Variants in RBFOX1 observed in about 807,000 individuals in gnomAD.
RBFOX1 encodes the protein RNA binding fox-1 homolog 1, also known as RNA binding protein fox-1 homolog 1.
A neutral mutation model predicts 57.7 loss-of-function variants in RBFOX1; 8 were observed. The observed-to-expected ratio is 0.14, with a 90% CI of 0.08 to 0.25. The LOEUF (loss-of-function observed/expected upper bound fraction) is 0.25, where lower values mean the gene tolerates loss of function less well. Ranked by LOEUF, RBFOX1 falls within the 10% of genes least tolerant of loss-of-function variation. RBFOX1 has a pLI of 1.00. For synonymous variants in RBFOX1, 326 were observed against 222.4 expected, an observed-to-expected ratio of 1.47 and a Z score of -4.15; for missense variants, 611 against 548.5, an observed-to-expected ratio of 1.11 and a Z score of -1.14.
At chr16:5,964,786 C>G (rs866728747) in intron 4 of RBFOX1, among the ~76,000 whole-genome samples, 7 of 151,708 alleles carry the variant, frequency 4.6e-5, no homozygotes, top group Non-Finnish European at 8.8e-5. Flanking sequence ...CACATATACA[C>G]ACACACATTG....
At chr16:7,165,169 A>G (rs2079160414) in intron 4 of RBFOX1, among the ~76,000 whole-genome samples, 1 of 152,052 alleles carries the variant, frequency 6.6e-6, no homozygotes. Context: ...ATATCATGTC[A>G]AAAACTGAGC....
intron 3 of RBFOX1, among the ~76,000 whole-genome samples, chr16:6,736,017 A>T (rs1445295640): frequency 2.8e-5 from 4 of 144,958 alleles, no homozygotes; most frequent in Non-Finnish European, 6.1e-5. Context: ...TCTTTTTGAA[A>T]GGGATTTAGA....
chr16:6,358,882 T>C (rs1394904043), intron 2 of RBFOX1, among the ~76,000 whole-genome samples: 1 of 152,206 alleles, frequency 6.6e-6, no homozygotes, highest in African/African-American at 2.4e-5. Flanking sequence ...CGAAGATTTA[T>C]TGCCGGAGGG....
chr16:5,884,537 A>T (rs2057849338), intron 4 of RBFOX1, among the ~76,000 whole-genome samples: 2 of 150,320 alleles, frequency 1.3e-5, no homozygotes, highest in Admixed American at 1.3e-4. Flanking sequence ...AGTTGATAAG[A>T]CCATGTGACT....
rs1307612957 is a variant in RBFOX1 at position 7,670,977 on chromosome 16, C to A, written c.931-5797C>A. Among the ~76,000 whole-genome samples the A allele has an allele frequency of 2.0e-5, 3 of 152,194 alleles. No individual in the cohort carries two copies. In the East Asian group the frequency reaches 5.8e-4, roughly 29 times the overall value. ...ATTAACACTAGTTTACACACACGCA[C>A]ACACACTCATATATACTCACAGTTC... is the stretch of plus-strand genomic sequence containing the variant. On this transcript the variant is annotated intron_variant, in intron 13 of 15. Coordinates refer to ENST00000550418, the MANE Select transcript of RBFOX1 (RefSeq NM_018723.4).
chr16:6,068,536 C>T (rs1038492112), intron 1 of RBFOX1, among the ~76,000 whole-genome samples: 1 of 152,046 alleles, frequency 6.6e-6, no homozygotes, highest in African/African-American at 2.4e-5. Flanking sequence ...AGATACTCCC[C>T]AGGTATCCAC....
chr16:6,940,573 T>C (rs780751244), intron 3 of RBFOX1, among the ~76,000 whole-genome samples: 7 of 151,998 alleles, frequency 4.6e-5, no homozygotes, highest in South Asian at 2.1e-4. Flanking sequence ...AAGCAAAAAA[T>C]TGGGTATTCA....
intron 1 of RBFOX1, among the ~76,000 whole-genome samples, chr16:6,104,782 A>G (rs2096358137): frequency 6.6e-6 from 1 of 152,238 alleles, no homozygotes; most frequent in Non-Finnish European, 1.5e-5. Flanking sequence ...CACCACATAG[A>G]TGAACCTCGG....
intron 3 of RBFOX1, among the ~76,000 whole-genome samples, chr16:6,676,455 G>A (rs1293020863): frequency 6.6e-6 from 1 of 152,060 alleles, no homozygotes; most frequent in Non-Finnish European, 1.5e-5. Context: ...TAGCAACCAA[G>A]AGAGGAGGCA....
intron 2 of RBFOX1, among the ~76,000 whole-genome samples, chr16:6,492,593 T>C: frequency 1.1e-5 from 1 of 92,082 alleles, no homozygotes; most frequent in South Asian, 3.1e-4. Context: ...AAAAATTAAA[T>C]AAATAAATAA....
intron 3 of RBFOX1, among the ~76,000 whole-genome samples, chr16:6,955,687 A>G (rs886322202): frequency 4.7e-5 from 5 of 105,406 alleles, no homozygotes; most frequent in Non-Finnish European, 9.1e-5. Flanking sequence ...TTAGGTATGT[A>G]TGTATTTATT....
At chr16:6,336,078 G>C (rs2083622689) in intron 2 of RBFOX1, among the ~76,000 whole-genome samples, 1 of 131,018 alleles carries the variant, frequency 7.6e-6, no homozygotes, top group Non-Finnish European at 1.6e-5. Context: ...TTTGGTAAAT[G>C]GAACAACAAA....
At chr16:6,896,373 T>C (rs1489454738) in intron 3 of RBFOX1, among the ~76,000 whole-genome samples, 1 of 152,196 alleles carries the variant, frequency 6.6e-6, no homozygotes, top group Non-Finnish European at 1.5e-5. Context: ...ATAATATGTA[T>C]GTCTTTTTCT....
intron 3 of RBFOX1, among the ~76,000 whole-genome samples, chr16:6,885,188 G>A (rs2063736475): frequency 6.6e-6 from 1 of 152,128 alleles, no homozygotes; most frequent in Admixed American, 6.5e-5. Flanking sequence ...AATTCCCAAT[G>A]ACTGAGCCAT....
chr16:5,847,001 C>T (rs2151857247), intron 3 of RBFOX1, among the ~76,000 whole-genome samples: 1 of 152,332 alleles, frequency 6.6e-6, no homozygotes, highest in South Asian at 2.1e-4. Context: ...ATCTCCTTAG[C>T]TAGATCCCAA....
chr16:6,169,268 T>C (rs1252422661), intron 1 of RBFOX1, among the ~76,000 whole-genome samples: 1 of 152,106 alleles, frequency 6.6e-6, no homozygotes, highest in Non-Finnish European at 1.5e-5. Context: ...AAAGATAAAA[T>C]GTGGCCTGGA....
At chr16:7,025,374 A>T (rs1227139428) in intron 3 of RBFOX1, among the ~76,000 whole-genome samples, 1 of 152,068 alleles carries the variant, frequency 6.6e-6, no homozygotes, top group East Asian at 1.9e-4. Flanking sequence ...CTTTACTGCA[A>T]ACTGTTTTTA....
chr16:6,832,677 C>G (rs986174247), intron 3 of RBFOX1, among the ~76,000 whole-genome samples: 2 of 152,068 alleles, frequency 1.3e-5, no homozygotes, highest in South Asian at 4.1e-4. Context: ...ATTACTTTAC[C>G]CACTCAAAAT....
intron 3 of RBFOX1, among the ~76,000 whole-genome samples, chr16:6,819,158 C>T (rs371195809): frequency 5.6e-4 from 86 of 152,226 alleles, no homozygotes; most frequent in African/African-American, 2.0e-3. Flanking sequence ...ATATTTGACC[C>T]CTGTGAGCCT....
Sources: gnomAD v4.1 joint callset for allele counts (sites outside exome capture counted in the v4.1 genomes callset) on GRCh38, gnomAD v4.1.1 for gene constraint, MANE v1.5 for transcripts, NCBI Gene and HGNC (gene_info 2026-07-23, HGNC 2026-07-21) for gene names.